Variants in FAM20A observed in about 807,000 individuals in gnomAD.
The protein encoded by FAM20A is pseudokinase FAM20A.
In FAM20A, 42 loss-of-function variants were observed where a neutral mutation model predicts 52.0. The observed-to-expected ratio is 0.81, with a 90% CI of 0.63 to 1.04. The LOEUF is 1.04. FAM20A is among the 50% of genes least tolerant of loss of function. FAM20A has a pLI of 0.00. For missense variants in FAM20A, 742 were observed against 712.7 expected (o/e 1.04, Z -0.47); for synonymous variants, 304 against 298.9 (o/e 1.02, Z -0.18).
At chr17:68,553,754 A>G (rs2086944449) in intron 3 of FAM20A, among the ~76,000 whole-genome samples, 2 of 144,870 alleles carry the variant, frequency 1.4e-5, no homozygotes, top group Non-Finnish European at 3.0e-5. Flanking sequence ...ACACATATAT[A>G]TACATATATA....
rs955745557 is a variant in FAM20A at position 68,560,426 on chromosome 17, G to A, written c.405-4683C>T. ...GAGAGAAGGCTTCATCTATGAACCG[G>A]AAAGCAGGTCCTCACACTAGACACT... On this transcript the variant is annotated intron_variant, in intron 1 of 10. Coordinates refer to ENST00000592554, the MANE Select transcript of FAM20A (RefSeq NM_017565.4). Among the ~76,000 whole-genome samples the A allele has an allele frequency of 2.1e-4, 32 of 152,156 alleles. 1 individual carries two copies. The highest frequency in any genetic ancestry group is 3.4e-3 in the Middle Eastern group (1 of 294).
chr17:68,593,898 G>A (rs1415717487), intron 1 of FAM20A, among the ~76,000 whole-genome samples: 1 of 152,194 alleles, frequency 6.6e-6, no homozygotes, highest in East Asian at 1.9e-4. Flanking sequence ...GTCAGGGAGG[G>A]ACCACAGTGG....
chr17:68,563,950 T>C (rs898039600), intron 1 of FAM20A, among the ~76,000 whole-genome samples: 28 of 152,156 alleles, frequency 1.8e-4, no homozygotes, highest in African/African-American at 6.8e-4. Context: ...GACAATGCCA[T>C]AGTTCGACCC....
In FAM20A at chr17:68,600,797, T is replaced by C; in HGVS notation, c.-131A>G. The C allele has an allele frequency of 1.9e-6, 2 of 1,025,898 alleles. No homozygotes were observed. Among genetic ancestry groups the C allele is most frequent in the Non-Finnish European group, 2.8e-6 (2 of 727,136 alleles). 63.5% of individuals were successfully genotyped at this position (1,025,898 alleles called of 1,614,324 possible). On this transcript the variant is annotated 5_prime_UTR_variant, in exon 1 of 11. Transcript: ENST00000592554. The surrounding 1 kb of genome is among the most constrained non-coding windows in gnomAD (Gnocchi z 6.2). ...GCCGGGGTCAGTGAGACCGGAATGC[T>C]CCCCGCGCGGGCTAGTCCCCTGTGG...
chr17:68,586,930 C>T (rs2088177869), intron 1 of FAM20A, among the ~76,000 whole-genome samples: 1 of 151,980 alleles, frequency 6.6e-6, no homozygotes, highest in South Asian at 2.1e-4. Context: ...CTCATTCTGT[C>T]ATCCAGGCTG....
intron 4 of FAM20A, among the ~76,000 whole-genome samples, chr17:68,546,691 A>G (rs1026864080): frequency 6.6e-6 from 1 of 152,054 alleles, no homozygotes; most frequent in African/African-American, 2.4e-5. Context: ...TTATCCGGGC[A>G]TGGTGGCCGG....
At chr17:68,594,292 G>A (rs993314546) in intron 1 of FAM20A, among the ~76,000 whole-genome samples, 10 of 151,676 alleles carry the variant, frequency 6.6e-5, no homozygotes, top group African/African-American at 2.2e-4. Context: ...CCAGCTACTC[G>A]GGAGGCTGAG....
At chr17:68,542,219 C>G (rs1424038325) in intron 6 of FAM20A, 54 bp from the exon 7 acceptor site, 1 of 1,592,978 alleles carries the variant, frequency 6.3e-7, no homozygotes, top group East Asian at 2.2e-5. Flanking sequence ...GGAGGCATGA[C>G]ATCTTCCTGG....
At chr17:68,540,362 C>T (rs976036915) in intron 8 of FAM20A, among the ~76,000 whole-genome samples, 5 of 152,190 alleles carry the variant, frequency 3.3e-5, no homozygotes, top group Admixed American at 1.3e-4. Context: ...CTGAAAGGCA[C>T]GATGATGAGC....
In FAM20A at chr17:68,600,200, CTG is replaced by C. The variant is rs1482464516; in HGVS notation, c.404+61_404+62del. ...GCCGGGGGCGTCAGGAAACTCGAGACTGGGGCGCGGGGAGGCCCCGGCCAGAG... is the reference window on the plus strand; with the variant it reads ...GCCGGGGGCGTCAGGAAACTCGAGACGGGCGCGGGGAGGCCCCGGCCAGAG... On this transcript the variant is annotated intron_variant, in intron 1 of 10. Coordinates refer to ENST00000592554, the MANE Select transcript of FAM20A (RefSeq NM_017565.4). This position sits in a 1 kb window ranked among gnomAD's most constrained non-coding sequence, Gnocchi z 6.2. The C allele has an allele frequency of 7.8e-6, 12 of 1,530,196 alleles. No homozygotes were observed. The highest frequency in any genetic ancestry group is 7.4e-5 in the East Asian group (3 of 40,676). 94.8% of individuals were successfully genotyped at this position (1,530,196 alleles called of 1,614,324 possible).
intron 1 of FAM20A, among the ~76,000 whole-genome samples, chr17:68,597,630 C>T (rs2088490116): frequency 6.6e-6 from 1 of 152,134 alleles, no homozygotes; most frequent in African/African-American, 2.4e-5. Context: ...GGTGATCTGC[C>T]TGCCTCAGCC....
At chr17:68,593,350 A>G (rs930291346) in intron 1 of FAM20A, among the ~76,000 whole-genome samples, 19 of 152,206 alleles carry the variant, frequency 1.2e-4, no homozygotes, top group Non-Finnish European at 1.2e-4. Flanking sequence ...AGGTCTCTGT[A>G]TTTCCCATTT....
intron 1 of FAM20A, among the ~76,000 whole-genome samples, chr17:68,579,811 A>G (rs2087890555): frequency 6.6e-6 from 1 of 152,178 alleles, no homozygotes; most frequent in Admixed American, 6.5e-5. Flanking sequence ...TGGCTCTTCA[A>G]TGCTTTGGGA....
chr17:68,558,432 G>T, intron 1 of FAM20A: 1 of 377,756 alleles, frequency 2.6e-6, no homozygotes, highest in South Asian at 2.0e-5. Flanking sequence ...TAACATAGGG[G>T]TGGGTCCCTC....
chr17:68,540,831 C>A lies in FAM20A; in HGVS notation c.1219+18G>T. On this transcript the variant is annotated intron_variant, in intron 8 of 10. Transcript: ENST00000592554. ...AGCAGAGCCCACTTCTGCTGGGGGCCTGCGTGTGGGGACCTACCTATCAAG... is the reference window on the plus strand; with the variant it reads ...AGCAGAGCCCACTTCTGCTGGGGGCATGCGTGTGGGGACCTACCTATCAAG... The A allele has an allele frequency of 6.3e-7, 1 of 1,581,638 alleles. No individual in the cohort carries two copies.
intron 1 of FAM20A, among the ~76,000 whole-genome samples, chr17:68,560,369 G>A (rs575710223): frequency 8.6e-5 from 13 of 151,576 alleles, no homozygotes; most frequent in East Asian, 3.9e-4. Flanking sequence ...AAGAGATTTC[G>A]GAATGCTATC....
intron 1 of FAM20A, among the ~76,000 whole-genome samples, chr17:68,575,537 T>A (rs12949383): frequency 9.1e-6 from 1 of 109,754 alleles, no homozygotes; most frequent in Non-Finnish European, 1.7e-5. Flanking sequence ...TAATATATAT[T>A]TTATATATTA....
intron 1 of FAM20A, among the ~76,000 whole-genome samples, chr17:68,597,018 G>A (rs2088471354): frequency 6.6e-6 from 1 of 152,186 alleles, no homozygotes; most frequent in Non-Finnish European, 1.5e-5. Context: ...GACATCCAGT[G>A]AACAAATATT....
At chr17:68,541,006 G>T in intron 7 of FAM20A, 48 bp from the exon 8 acceptor site, 1 of 1,550,520 alleles carries the variant, frequency 6.4e-7, no homozygotes, top group Non-Finnish European at 8.7e-7. Context: ...AGATGGCAGG[G>T]TGTCGGGGGT....
Sources: allele counts gnomAD v4.1 joint callset (sites outside exome capture counted in the v4.1 genomes callset), GRCh38; gene constraint gnomAD v4.1.1; non-coding constraint Gnocchi (gnomAD v3.1); transcripts MANE v1.5; gene names NCBI Gene and HGNC (gene_info 2026-07-23, HGNC 2026-07-21).